ZNF827: variants seen among roughly 807,000 people sequenced by gnomAD.
ZNF827 encodes the protein zinc finger protein 827.
A neutral mutation model predicts 102.4 loss-of-function variants in ZNF827; 13 were observed. That is an observed-to-expected ratio of 0.13 (90% confidence interval 0.08 to 0.20). The LOEUF (loss-of-function observed/expected upper bound fraction) is 0.20, where lower values mean the gene tolerates loss of function less well. Among genes scored for constraint, ZNF827 ranks in the 10% least tolerant of loss-of-function variants. The pLI is 1.00. For synonymous variants in ZNF827, 523 were observed against 536.2 expected (o/e 0.98, Z 0.34); for missense variants, 1,103 against 1,344.4 (o/e 0.82, Z 2.81).
At chr4:145,821,930 C>T (rs1196594235) in intron 8 of ZNF827, among the ~76,000 whole-genome samples, 1 of 152,104 alleles carries the variant, frequency 6.6e-6, no homozygotes, top group East Asian at 1.9e-4. Flanking sequence ...GTATATATAT[C>T]ATGGGATGCT....
intron 4 of ZNF827, among the ~76,000 whole-genome samples, chr4:145,885,250 T>C (rs1197476818): frequency 6.6e-6 from 1 of 152,108 alleles, no homozygotes; most frequent in African/African-American, 2.4e-5. Flanking sequence ...AAAAATCTTA[T>C]AAATTAAGAC....
chr4:145,892,526 T>C (rs991707727), intron 2 of ZNF827, 111 bp from the exon 3 acceptor site: 1 of 1,193,160 alleles, frequency 8.4e-7, no homozygotes, highest in African/African-American at 1.5e-5. Flanking sequence ...GATTTGGGTT[T>C]TTTTCTTGAC....
chr4:145,871,691 C>T (rs369804949), intron 4 of ZNF827, among the ~76,000 whole-genome samples: 16 of 152,286 alleles, frequency 1.1e-4, no homozygotes, highest in East Asian at 5.8e-4. Context: ...AATAAATCCC[C>T]GAAGCAAACA....
chr4:145,923,824 A>G (rs1427658987), intron 1 of ZNF827, among the ~76,000 whole-genome samples: 2 of 152,226 alleles, frequency 1.3e-5, no homozygotes, highest in African/African-American at 4.8e-5. Context: ...AATCTCTACC[A>G]TGATATAGAT....
At chr4:145,803,331 T>C (rs1283956688) in intron 8 of ZNF827, among the ~76,000 whole-genome samples, 1 of 152,176 alleles carries the variant, frequency 6.6e-6, no homozygotes, top group Non-Finnish European at 1.5e-5. Flanking sequence ...CTAGTGCAGA[T>C]TTAAAATTCC....
At position 145,885,405 on chromosome 4, in the gene ZNF827, C is replaced by T. The variant is rs371790534; in HGVS notation, c.1747+273G>A. On this transcript the variant is annotated intron_variant, in intron 4 of 14. Transcript: ENST00000508784. ...ACCATTCCCCCCTACAGTAAGAACT[C>T]ACCAAAGGGAAAAAAGCAGAAGGAA... Among the ~76,000 whole-genome samples, 200 of 152,098 alleles carry T rather than the reference C, an allele frequency of 1.3e-3. 3 individuals carry two copies. The South Asian group carries it at 0.038, about 29-fold the overall frequency.
At chr4:145,851,291 TAGATAGACAGACAGAC>T (rs1746505471) in intron 5 of ZNF827, among the ~76,000 whole-genome samples, 1 of 137,208 alleles carries the variant, frequency 7.3e-6, no homozygotes, top group South Asian at 2.3e-4. Flanking sequence ...GATAGATAGA[TAGATAGACAGACAGAC>T]AGGCAGACAG....
At chr4:145,848,006 C>T (rs1372712213) in intron 6 of ZNF827, among the ~76,000 whole-genome samples, 2 of 152,168 alleles carry the variant, frequency 1.3e-5, no homozygotes, top group Non-Finnish European at 2.9e-5. Context: ...CAGGCAGTGA[C>T]AGCGCCAGGG....
At chr4:145,864,028 T>C (rs1418550440) in intron 5 of ZNF827, among the ~76,000 whole-genome samples, 1 of 151,876 alleles carries the variant, frequency 6.6e-6, no homozygotes, top group African/African-American at 2.4e-5. Context: ...ACCCCATCTC[T>C]ACTAAAATAC....
intron 1 of ZNF827, among the ~76,000 whole-genome samples, chr4:145,909,161 TC>T (rs1476476008): frequency 6.6e-6 from 1 of 152,234 alleles, no homozygotes; most frequent in Non-Finnish European, 1.5e-5. Context: ...TTTACCATAC[TC>T]ACTAGTTTTG....
chr4:145,787,464 G>GA (rs35041321), intron 8 of ZNF827, among the ~76,000 whole-genome samples: 5,526 of 83,030 alleles, frequency 0.067, 156 homozygotes, highest in Non-Finnish European at 0.098. Context: ...TCCGTCTCAG[G>GA]AAAAAAAAAA....
chr4:145,854,980 A>G (rs909629739), intron 5 of ZNF827, among the ~76,000 whole-genome samples: 1 of 152,246 alleles, frequency 6.6e-6, no homozygotes, highest in Non-Finnish European at 1.5e-5. Context: ...AAGAGAGCAC[A>G]GGGCATGGCG....
At chr4:145,766,343 A>G (rs2126876081) in intron 11 of ZNF827, among the ~76,000 whole-genome samples, 1 of 152,364 alleles carries the variant, frequency 6.6e-6, no homozygotes, top group South Asian at 2.1e-4. Context: ...TGGGTTTACC[A>G]TTACTACTAA....
rs539496694 is a variant in ZNF827, at chr4:145,759,738, T to C, written c.*1878A>G. ...AAACTAGTGCAAGACCATAGCACTG[T>C]GCAAAACTGCCATTTCTTTTTTTTA... On this transcript the variant is annotated 3_prime_UTR_variant, in exon 15 of 15. Transcript: ENST00000508784. 1 of 152,302 alleles carries C rather than the reference T, an allele frequency of 6.6e-6. No individual in the cohort carries two copies. Among genetic ancestry groups the C allele is most frequent in the South Asian group, 2.1e-4 (1 of 4,806 alleles). The allele number at this position is 152,302 out of a possible 1,614,324, so 9.4% of individuals were successfully genotyped here.
intron 5 of ZNF827, among the ~76,000 whole-genome samples, chr4:145,857,371 C>A (rs1319810943): frequency 6.6e-6 from 1 of 152,208 alleles, no homozygotes; most frequent in East Asian, 1.9e-4. Context: ...TTCTGGGGTA[C>A]ATGAAACATA....
At chr4:145,835,352 T>G (rs1744704463) in intron 7 of ZNF827, 1 of 151,972 alleles carries the variant, frequency 6.6e-6, no homozygotes, top group African/African-American at 2.4e-5. Flanking sequence ...TTACCTTCTT[T>G]TCAAGGGCCT....
rs115548531 is a variant in ZNF827, at chr4:145,788,058, G to A, written c.2384-8547C>T. 2.3e-3 allele frequency among the ~76,000 whole-genome samples: 355 copies of A among 152,280 alleles called. 2 individuals carry two copies. Among genetic ancestry groups the A allele is most frequent in the African/African-American group, 8.1e-3 (338 of 41,556 alleles). Reference sequence around the variant, plus strand: ...TGCCTAGTGACTCTGGGAGAGCAGAGACAGACCCACAGTCTGCCTGCTCCT... The same window carrying A: ...TGCCTAGTGACTCTGGGAGAGCAGAAACAGACCCACAGTCTGCCTGCTCCT... On this transcript the variant is annotated intron_variant, in intron 8 of 14. Coordinates refer to ENST00000508784, the MANE Select transcript of ZNF827 (RefSeq NM_001306215.2).
intron 8 of ZNF827, among the ~76,000 whole-genome samples, chr4:145,790,592 G>A (rs1739536855): frequency 6.6e-6 from 1 of 152,084 alleles, no homozygotes; most frequent in Non-Finnish European, 1.5e-5. Flanking sequence ...TAAGCCTCTA[G>A]GGATTCTGCA....
At chr4:145,933,510 AGTCATTTT>A (rs1753956438) in intron 1 of ZNF827, among the ~76,000 whole-genome samples, 1 of 152,230 alleles carries the variant, frequency 6.6e-6, no homozygotes, top group African/African-American at 2.4e-5. Context: ...GTTGCTTTTC[AGTCATTTT>A]GCTTCCTAAT....
Sources: allele counts gnomAD v4.1 joint callset (sites outside exome capture counted in the v4.1 genomes callset), GRCh38; gene constraint gnomAD v4.1.1; transcripts MANE v1.5; gene names NCBI Gene and HGNC (gene_info 2026-07-23, HGNC 2026-07-21).